The following SLC6A20 variants were observed in gnomAD, a reference collection of about 807,000 sequenced individuals.
SLC6A20 encodes sodium- and chloride-dependent transporter XTRP3.
Under a neutral mutation model 64.3 loss-of-function variants are expected in SLC6A20, and 73 were observed. The observed-to-expected ratio is 1.14, with a 90% confidence interval of 0.94 to 1.38. SLC6A20 has a LOEUF of 1.38. SLC6A20 is among the 40% of genes most tolerant of loss of function. The pLI is 0.00. For missense variants in SLC6A20, 725 were observed against 772.8 expected, an observed-to-expected ratio of 0.94 and a Z score of 0.73; for synonymous variants, 347 against 329.6, an observed-to-expected ratio of 1.05 and a Z score of -0.57.
chr3:45,775,698 C>T (rs1219579830), intron 4 of SLC6A20, 63 bp downstream of exon 4: 18 of 1,495,350 alleles, frequency 1.2e-5, no homozygotes, highest in Non-Finnish European at 1.6e-5. Flanking sequence ...ACAGAGGCAG[C>T]TGCCCCTTGG....
At chr3:45,769,646 C>A (rs950928253) in intron 7 of SLC6A20, among the ~76,000 whole-genome samples, 4 of 151,984 alleles carry the variant, frequency 2.6e-5, no homozygotes, top group African/African-American at 9.7e-5. Context: ...CTTTCCAGAC[C>A]ATTTATGCCC....
intron 1 of SLC6A20, among the ~76,000 whole-genome samples, chr3:45,787,102 T>G (rs1488147106): frequency 6.6e-6 from 1 of 152,214 alleles, no homozygotes; most frequent in African/African-American, 2.4e-5. Flanking sequence ...GCTTCTCACC[T>G]GGTCAAATCT....
intron 1 of SLC6A20, among the ~76,000 whole-genome samples, chr3:45,792,055 G>A (rs1559573688): frequency 6.6e-6 from 1 of 152,194 alleles, no homozygotes; most frequent in Non-Finnish European, 1.5e-5. Context: ...TATATTCAGG[G>A]AAGGGCAGAG....
rs1399067686 is a variant in SLC6A20, at chr3:45,755,697, G to GTATC, written c.*3277_*3280dup. 6.6e-6 allele frequency: 1 copy of GTATC among 152,636 alleles called. No individual in the cohort carries two copies. Among genetic ancestry groups the GTATC allele is most frequent in the African/African-American group, 2.4e-5 (1 of 41,450 alleles). The allele number at this position is 152,636 out of a possible 1,614,324, so 9.5% of individuals were successfully genotyped here. A position where few individuals can be genotyped will look rare whatever the true frequency, so the allele number is the denominator to read the frequency against. On this transcript the variant is annotated 3_prime_UTR_variant, in exon 11 of 11. Coordinates refer to ENST00000358525, the MANE Select transcript of SLC6A20 (RefSeq NM_020208.4). ...ATGTCGACATGGCCACTTTTGTGCA[G>GTATC]TATCTAGGAAATGGCAAAGAACATT... is the stretch of plus-strand genomic sequence containing the variant.
rs146575685 is a variant in SLC6A20 at position 45,762,929 on chromosome 3, C to T, written c.1447G>A (p.Val483Met). The T allele has an allele frequency of 6.6e-5, 106 of 1,614,154 alleles. No homozygotes were observed. In the Admixed American group the frequency reaches 7.5e-4, roughly 11 times the overall value. Reference sequence around the variant, plus strand: ...CCTCCTCACCTCCTCAGCCCGTACACGTAGCACACGGCAATCGTCTCCACC... The same window carrying T: ...CCTCCTCACCTCCTCAGCCCGTACATGTAGCACACGGCAATCGTCTCCACC... ...VLVETIAVCY[V>M]YGLRRFESDL... Residue 483 changes from valine (V) to methionine (M), a missense_variant, in exon 9 of 11, where the codon GTG becomes ATG. By Grantham distance (21) the Val-to-Met change is conservative. Transcript: ENST00000358525.
intron 1 of SLC6A20, among the ~76,000 whole-genome samples, chr3:45,789,681 C>A (rs1041800316): frequency 6.6e-6 from 1 of 152,016 alleles, no homozygotes; most frequent in South Asian, 2.1e-4. Flanking sequence ...ACAGTCATTA[C>A]CTCTGGGTGG....
chr3:45,758,334 G>GTA lies in SLC6A20; in HGVS notation c.*642_*643dup. 2 of 954,796 alleles carry GTA rather than the reference G, an allele frequency of 2.1e-6. No homozygotes were observed. Among genetic ancestry groups the GTA allele is most frequent in the Non-Finnish European group, 2.9e-6 (2 of 696,628 alleles). The allele number at this position is 954,796 out of a possible 1,614,324, so 59.1% of individuals were successfully genotyped here. On this transcript the variant is annotated 3_prime_UTR_variant, in exon 11 of 11. Coordinates refer to ENST00000358525, the MANE Select transcript of SLC6A20 (RefSeq NM_020208.4). ...CTAATGTGGTTTGGGGTTGCAAACTGTAGTTGGGGCAATTTTTTGTAGAGA... is the reference window on the plus strand; with the variant it reads ...CTAATGTGGTTTGGGGTTGCAAACTGTATAGTTGGGGCAATTTTTTGTAGAGA...
chr3:45,788,118 C>T (rs901942101), intron 1 of SLC6A20, among the ~76,000 whole-genome samples: 2 of 152,046 alleles, frequency 1.3e-5, no homozygotes, highest in African/African-American at 4.8e-5. Context: ...GACTAATTTT[C>T]AATTTTTTGT....
chr3:45,775,305 A>T (rs1348422040), intron 4 of SLC6A20, among the ~76,000 whole-genome samples: 2 of 152,150 alleles, frequency 1.3e-5, no homozygotes, highest in African/African-American at 4.8e-5. Context: ...GACACACCCC[A>T]GACTGGTTAC....
chr3:45,796,096 G>C (rs1700340476), intron 1 of SLC6A20, among the ~76,000 whole-genome samples: 1 of 152,308 alleles, frequency 6.6e-6, no homozygotes, highest in East Asian at 1.9e-4. Context: ...GTTCCCGAGG[G>C]CTTGGGAGGG....
Position 45,785,613 on chromosome 3 carries a change from T to TTCTCTCTCTCTCTCTCTCTCTCTCTC in SLC6A20, c.122-3416_122-3391dup, listed in dbSNP as rs60563353. Reference sequence around the variant, plus strand: ...GAGTTAATACTTAATAAACTCCCCTTTCTCTCTCTCTCTCTCTCTCTCTCT... The same window carrying TTCTCTCTCTCTCTCTCTCTCTCTCTC: ...GAGTTAATACTTAATAAACTCCCCTTTCTCTCTCTCTCTCTCTCTCTCTCTCTCTCTCTCTCTCTCTCTCTCTCTCT... On this transcript the variant is annotated intron_variant, in intron 1 of 10. Transcript: ENST00000358525. Among the ~76,000 whole-genome samples the TTCTCTCTCTCTCTCTCTCTCTCTCTC allele has an allele frequency of 1.3e-3, 190 of 141,074 alleles. 3 individuals are homozygous for TTCTCTCTCTCTCTCTCTCTCTCTCTC. The highest frequency in any genetic ancestry group is 3.2e-3 in the African/African-American group (120 of 36,950). 92.6% of individuals were successfully genotyped at this position (141,074 alleles called of 152,430 possible).
chr3:45,795,979 A>G (rs1327381681), intron 1 of SLC6A20, among the ~76,000 whole-genome samples: 1 of 151,948 alleles, frequency 6.6e-6, no homozygotes, highest in Non-Finnish European at 1.5e-5. Flanking sequence ...CAGACCATTG[A>G]CACTTCTCTC....
At chr3:45,761,409 T>G (rs1699679890) in intron 9 of SLC6A20, among the ~76,000 whole-genome samples, 1 of 152,126 alleles carries the variant, frequency 6.6e-6, no homozygotes, top group South Asian at 2.1e-4. Context: ...TGCCTCTGTC[T>G]CCCTTCACCA....
intron 9 of SLC6A20, among the ~76,000 whole-genome samples, chr3:45,760,768 T>C (rs1559561011): frequency 6.6e-6 from 1 of 152,356 alleles, no homozygotes; most frequent in East Asian, 1.9e-4. Flanking sequence ...GTACACAGTA[T>C]AAAAAGTATC....
At chr3:45,781,169 G>A (rs1160839468) in intron 2 of SLC6A20, among the ~76,000 whole-genome samples, 1 of 151,150 alleles carries the variant, frequency 6.6e-6, no homozygotes, top group Non-Finnish European at 1.5e-5. Context: ...GCAGTGAGCC[G>A]AGATTGTGCC....
At chr3:45,760,433 C>T (rs1386557759) in intron 9 of SLC6A20, among the ~76,000 whole-genome samples, 2 of 152,124 alleles carry the variant, frequency 1.3e-5, no homozygotes, top group Non-Finnish European at 2.9e-5. Context: ...CCCAGCCCGC[C>T]CCTGTCAATC....
rs932001487 is a variant in SLC6A20 at position 45,757,267 on chromosome 3, C to A, written c.*1711G>T. ...TCCTCTTATCTCAACTGCAAAGAGG[C>A]CTCCCTCCTTCACTATTCCTCCTCA... On this transcript the variant is annotated 3_prime_UTR_variant, in exon 11 of 11. Transcript: ENST00000358525. 2 of 151,508 alleles carry A rather than the reference C, an allele frequency of 1.3e-5. No homozygotes were observed. Among genetic ancestry groups the A allele is most frequent in the Admixed American group, 6.6e-5 (1 of 15,186 alleles). 9.4% of individuals were successfully genotyped at this position (151,508 alleles called of 1,614,324 possible).
chr3:45,773,919 G>A (rs531514539), intron 4 of SLC6A20, among the ~76,000 whole-genome samples: 21 of 152,352 alleles, frequency 1.4e-4, no homozygotes, highest in East Asian at 3.9e-4. Context: ...GCACTCACTC[G>A]TGACCAACAT....
At chr3:45,793,637 T>C (rs1378701468) in intron 1 of SLC6A20, among the ~76,000 whole-genome samples, 2 of 151,942 alleles carry the variant, frequency 1.3e-5, no homozygotes, top group Non-Finnish European at 2.9e-5. Flanking sequence ...ACGGGCAGAG[T>C]CCCATGGAGA....
Sources: allele counts gnomAD v4.1 joint callset (sites outside exome capture counted in the v4.1 genomes callset), GRCh38; gene constraint gnomAD v4.1.1; transcripts MANE v1.5; gene names NCBI Gene and HGNC (gene_info 2026-07-23, HGNC 2026-07-21).